The following RYR2 variants were observed in gnomAD, a reference collection of about 807,000 sequenced individuals.
The protein encoded by RYR2 is ryanodine receptor 2.
A neutral mutation model predicts 601.1 loss-of-function variants in RYR2; 227 were observed. The ratio of observed to expected loss-of-function variants is 0.38; its 90% CI spans 0.34 to 0.42. The LOEUF (loss-of-function observed/expected upper bound fraction) is 0.42, where lower values mean the gene tolerates loss of function less well. RYR2 is among the 10% of genes least tolerant of loss of function. The pLI is 1.00. For synonymous variants in RYR2, 2,223 were observed against 2,175.1 expected (o/e 1.02, Z -0.61); for missense variants, 4,646 against 6,156.5 (o/e 0.75, Z 8.21).
chr1:237,094,649 A>G (rs1359327108), intron 1 of RYR2, among the ~76,000 whole-genome samples: 1 of 152,118 alleles, frequency 6.6e-6, no homozygotes, highest in Non-Finnish European at 1.5e-5. Flanking sequence ...ATCTCGGCCC[A>G]CTGCAAACTC....
At chr1:237,221,936 T>A (rs1236113488) in intron 1 of RYR2, among the ~76,000 whole-genome samples, 2 of 152,152 alleles carry the variant, frequency 1.3e-5, no homozygotes, top group Non-Finnish European at 2.9e-5. Flanking sequence ...TATTTTTTTT[T>A]AAGACAGAAA....
At chr1:237,436,101 G>A (rs924984447) in intron 12 of RYR2, among the ~76,000 whole-genome samples, 1 of 152,100 alleles carries the variant, frequency 6.6e-6, no homozygotes, top group African/African-American at 2.4e-5. Flanking sequence ...GAGCTCACCT[G>A]GTTAAGTATC....
At chr1:237,569,357 A>G (rs1330231126) in intron 29 of RYR2, 38 bp downstream of exon 29, 14 of 1,585,166 alleles carry the variant, frequency 8.8e-6, no homozygotes, top group Non-Finnish European at 1.2e-5. Context: ...TTAAGTTTGC[A>G]GCACAAGGAA....
chr1:237,324,357 A>G (rs182753475), intron 2 of RYR2, among the ~76,000 whole-genome samples: 252 of 152,334 alleles, frequency 1.7e-3, no homozygotes, highest in African/African-American at 5.8e-3. Context: ...TGATATCTCC[A>G]TCATTTGGGG....
chr1:237,248,295 C>A (rs866351546), intron 1 of RYR2, among the ~76,000 whole-genome samples: 1 of 108,018 alleles, frequency 9.3e-6, no homozygotes, highest in South Asian at 4.4e-4. Context: ...CCCCCCCCCC[C>A]CCCCAAAAAT....
chr1:237,771,162 C>T (rs1458330315), intron 85 of RYR2, among the ~76,000 whole-genome samples: 2 of 152,086 alleles, frequency 1.3e-5, no homozygotes, highest in African/African-American at 2.4e-5. Flanking sequence ...AATCCCAACA[C>T]TTTGGGAGGC....
At chr1:237,453,416 A>G (rs1658437808) in intron 14 of RYR2, among the ~76,000 whole-genome samples, 1 of 152,178 alleles carries the variant, frequency 6.6e-6, no homozygotes, top group African/African-American at 2.4e-5. Context: ...TATAAAGTTC[A>G]AAGCTAATTC....
At position 237,649,970 on chromosome 1, in the gene RYR2, G is replaced by C; in HGVS notation, c.7606G>C (p.Ala2536Pro). ...PLLTRCAPLF[A>P]GTEHHASLID... is the part of the protein sequence containing the mutation. ...GTTAACAAGATGTGCTCCTCTCTTT[G>C]CTGGCACAGAGCACCACGCTTCTCT... The change falls in exon 50 of 105, where the codon GCT (alanine) becomes CCT (proline). Residue 2536 changes from alanine to proline, a missense_variant. Physicochemically the swap from Ala to Pro is conservative, Grantham distance 27. Coordinates refer to ENST00000366574, the MANE Select transcript of RYR2 (RefSeq NM_001035.3). The C allele has an allele frequency of 6.2e-7, 1 of 1,613,940 alleles. No individual in the cohort carries two copies. Among genetic ancestry groups the C allele is most frequent in the Non-Finnish European group, 8.5e-7 (1 of 1,179,894 alleles).
intron 28 of RYR2, among the ~76,000 whole-genome samples, chr1:237,567,286 A>G (rs918031702): frequency 3.9e-5 from 6 of 152,062 alleles, no homozygotes; most frequent in Admixed American, 3.3e-4. Context: ...TTACATGTGT[A>G]AAATATTTTG....
chr1:237,518,074 A>T (rs1379661243), intron 24 of RYR2, among the ~76,000 whole-genome samples: 1 of 152,044 alleles, frequency 6.6e-6, no homozygotes, highest in African/African-American at 2.4e-5. Flanking sequence ...TGATATGTTA[A>T]TCTATCGACT....
intron 27 of RYR2, 97 bp downstream of exon 27, chr1:237,550,788 T>TACTCC: frequency 7.7e-7 from 1 of 1,291,690 alleles, no homozygotes; most frequent in Non-Finnish European, 1.0e-6. Flanking sequence ...CTGGATAGAG[T>TACTCC]CCTCTAGTCT....
intron 20 of RYR2, among the ~76,000 whole-genome samples, chr1:237,497,935 C>T (rs751484714): frequency 5.3e-5 from 8 of 151,912 alleles, no homozygotes; most frequent in Non-Finnish European, 1.0e-4. Context: ...AATCTTGGCT[C>T]ATTGCAGCCT....
chr1:237,681,406 TGGA>T (rs1041776735), intron 62 of RYR2, among the ~76,000 whole-genome samples: 5 of 151,922 alleles, frequency 3.3e-5, no homozygotes, highest in Non-Finnish European at 5.9e-5. Flanking sequence ...CGTGAGAGGG[TGGA>T]GAAGTGGAAA....
intron 16 of RYR2, among the ~76,000 whole-genome samples, chr1:237,461,642 T>A (rs12040937): frequency 0.45 from 69,033 of 151,734 alleles, 17,684 homozygotes; most frequent in East Asian, 0.65. Context: ...ATTACTTTTA[T>A]AATTGAAAAA....
intron 1 of RYR2, among the ~76,000 whole-genome samples, chr1:237,054,903 A>C (rs960352863): frequency 6.6e-6 from 1 of 152,078 alleles, no homozygotes; most frequent in Non-Finnish European, 1.5e-5. Flanking sequence ...CCCCATCCCC[A>C]GGGCCACTTT....
At chr1:237,294,876 G>A (rs960539839) in intron 2 of RYR2, among the ~76,000 whole-genome samples, 6 of 152,070 alleles carry the variant, frequency 3.9e-5, no homozygotes, top group African/African-American at 1.4e-4. Flanking sequence ...TTTTTTTAGG[G>A]GAGGGGAATA....
At chr1:237,722,649 G>A (rs921569392) in intron 73 of RYR2, among the ~76,000 whole-genome samples, 3 of 151,938 alleles carry the variant, frequency 2.0e-5, no homozygotes, top group African/African-American at 4.8e-5. Flanking sequence ...TAACCAGGAC[G>A]GTCTCGATCT....
chr1:237,585,512 G>A (rs868462270), intron 29 of RYR2, among the ~76,000 whole-genome samples: 2 of 152,122 alleles, frequency 1.3e-5, no homozygotes, highest in African/African-American at 4.8e-5. Context: ...TTCTCTGTGT[G>A]GCAGCTGAAC....
At chr1:237,117,655 CCTCTTCTCTTCTCTTCCTT>C (rs1558263902) in intron 1 of RYR2, among the ~76,000 whole-genome samples, 15 of 132,272 alleles carry the variant, frequency 1.1e-4, no homozygotes, top group African/African-American at 4.2e-4. Context: ...TCTCTTTTCT[CCTCTTCTCTTCTCTTCCTT>C]CTCTTCTCTT....
Sources: gnomAD v4.1 joint callset for allele counts (sites outside exome capture counted in the v4.1 genomes callset) on GRCh38, gnomAD v4.1.1 for gene constraint, MANE v1.5 for transcripts, NCBI Gene and HGNC (gene_info 2026-07-23, HGNC 2026-07-21) for gene names.